The following LMX1A variants were observed in gnomAD, a reference collection of about 807,000 sequenced individuals.
LMX1A encodes LIM homeobox transcription factor 1-alpha.
In LMX1A, 15 loss-of-function variants were observed where a neutral mutation model predicts 49.1. The ratio of observed to expected loss-of-function variants is 0.31; its 90% CI spans 0.20 to 0.47. The LOEUF is 0.47. LMX1A is among the 20% of genes least tolerant of loss of function. LMX1A has a pLI of 1.00. For synonymous variants in LMX1A, 167 were observed against 185.7 expected, an observed-to-expected ratio of 0.90 and a Z score of 0.82; for missense variants, 372 against 475.8, an observed-to-expected ratio of 0.78 and a Z score of 2.03.
At chr1:165,236,243 C>T (rs1322892145) in intron 4 of LMX1A, among the ~76,000 whole-genome samples, 2 of 152,152 alleles carry the variant, frequency 1.3e-5, no homozygotes, top group Non-Finnish European at 2.9e-5. Flanking sequence ...GGGAAGCCTC[C>T]GCGTGCTGGG....
intron 3 of LMX1A, among the ~76,000 whole-genome samples, chr1:165,349,802 GA>G (rs1276177957): frequency 6.6e-6 from 1 of 152,170 alleles, no homozygotes; most frequent in Non-Finnish European, 1.5e-5. Context: ...ATAGCTAGTT[GA>G]GAGAATGAAA....
At chr1:165,228,617 A>G (rs1652128697) in intron 4 of LMX1A, among the ~76,000 whole-genome samples, 1 of 152,210 alleles carries the variant, frequency 6.6e-6, no homozygotes, top group Non-Finnish European at 1.5e-5. Flanking sequence ...TTGAAAACTA[A>G]GTTAGCTCAA....
At chr1:165,258,031 T>C (rs1653307243) in intron 3 of LMX1A, among the ~76,000 whole-genome samples, 1 of 152,174 alleles carries the variant, frequency 6.6e-6, no homozygotes, top group Admixed American at 6.5e-5. Context: ...ATATGAACCC[T>C]CCGGTTTAGA....
At chr1:165,309,141 G>A (rs1015066133) in intron 3 of LMX1A, among the ~76,000 whole-genome samples, 11 of 152,206 alleles carry the variant, frequency 7.2e-5, no homozygotes, top group East Asian at 5.8e-4. Flanking sequence ...GATTACCACC[G>A]AGATACCCTG....
intron 4 of LMX1A, among the ~76,000 whole-genome samples, chr1:165,214,077 C>T (rs541256057): frequency 7.2e-5 from 11 of 152,284 alleles, no homozygotes; most frequent in African/African-American, 9.6e-5. Context: ...TTACTAGTTG[C>T]GTGGCCTTGG....
At chr1:165,237,290 C>A (rs1652485574) in intron 4 of LMX1A, among the ~76,000 whole-genome samples, 1 of 152,226 alleles carries the variant, frequency 6.6e-6, no homozygotes, top group Non-Finnish European at 1.5e-5. Flanking sequence ...GTGGCACGAA[C>A]TCAGCTCACT....
chr1:165,245,763 G>A (rs1391188000), intron 4 of LMX1A, among the ~76,000 whole-genome samples: 1 of 151,998 alleles, frequency 6.6e-6, no homozygotes, highest in East Asian at 1.9e-4. Flanking sequence ...CTCAAAACAG[G>A]CACTATTTCA....
intron 3 of LMX1A, among the ~76,000 whole-genome samples, chr1:165,341,283 C>T (rs1050168693): frequency 2.0e-5 from 3 of 152,162 alleles, no homozygotes; most frequent in Non-Finnish European, 4.4e-5. Flanking sequence ...GTAACTAGCA[C>T]ACTTTCTTTT....
chr1:165,266,709 C>T (rs868282555), intron 3 of LMX1A, among the ~76,000 whole-genome samples: 9 of 141,176 alleles, frequency 6.4e-5, no homozygotes, highest in African/African-American at 2.3e-4. Context: ...TCACGCCATT[C>T]TCCTGCCTCA....
chr1:165,346,187 G>A (rs1656239656), intron 3 of LMX1A, among the ~76,000 whole-genome samples: 1 of 152,172 alleles, frequency 6.6e-6, no homozygotes, highest in Non-Finnish European at 1.5e-5. Context: ...GAGATAGGCA[G>A]ATCTATCTAT....
chr1:165,339,940 A>C (rs1656020381), intron 3 of LMX1A, among the ~76,000 whole-genome samples: 1 of 152,030 alleles, frequency 6.6e-6, no homozygotes, highest in African/African-American at 2.4e-5. Flanking sequence ...TCTTCCCTTC[A>C]TTCTATCTCT....
intron 4 of LMX1A, among the ~76,000 whole-genome samples, chr1:165,222,294 A>C (rs890677738): frequency 6.6e-6 from 1 of 152,224 alleles, no homozygotes; most frequent in Non-Finnish European, 1.5e-5. Flanking sequence ...AGCTCAGTCT[A>C]GATAAAAGCT....
rs774638023 is a variant in LMX1A at position 165,204,084 on chromosome 1, G to A, written c.989-44C>T. The A allele has an allele frequency of 3.1e-6, 5 of 1,600,708 alleles. No homozygotes were observed. In the East Asian group the frequency reaches 6.7e-5, roughly 21 times the overall value. The stretch of plus-strand genomic sequence containing the variant: ...ACTGGCATGAGGGTCTTGAAGAAGT[G>A]ACTCATTTCAGTGCTAGGATATTCA... On this transcript the variant is annotated intron_variant, in intron 8 of 8. Coordinates refer to ENST00000342310, the MANE Select transcript of LMX1A (RefSeq NM_177398.4).
chr1:165,349,718 G>T (rs974642004), intron 3 of LMX1A, among the ~76,000 whole-genome samples: 1 of 152,162 alleles, frequency 6.6e-6, no homozygotes, highest in Non-Finnish European at 1.5e-5. Flanking sequence ...ATGCATAGTT[G>T]TGTGTGCAAG....
At chr1:165,280,017 A>G (rs1654099281) in intron 3 of LMX1A, among the ~76,000 whole-genome samples, 1 of 152,054 alleles carries the variant, frequency 6.6e-6, no homozygotes, top group Admixed American at 6.5e-5. Flanking sequence ...AAAATTGAAC[A>G]CACCAGGCCG....
rs72702436 is a variant in LMX1A at position 165,275,847 on chromosome 1, A to G, written c.264-26207T>C. 7.5e-3 allele frequency among the ~76,000 whole-genome samples: 1,040 copies of G among 139,034 alleles called. 9 individuals carry two copies. The highest frequency in any genetic ancestry group is 0.017 in the African/African-American group (636 of 36,732). The allele number at this position is 139,034 out of a possible 152,430, so 91.2% of individuals were successfully genotyped here. A position where few individuals can be genotyped will look rare whatever the true frequency, so the allele number is the denominator to read the frequency against. Reference sequence around the variant, plus strand: ...TTTTATGGCGCTGGGGTGTGTGTGTATGTGTGTGTGTGTGTGTGTGTGTGT... The same window carrying G: ...TTTTATGGCGCTGGGGTGTGTGTGTGTGTGTGTGTGTGTGTGTGTGTGTGT... On this transcript the variant is annotated intron_variant, in intron 3 of 8. Transcript: ENST00000342310.
chr1:165,214,778 T>C (rs1373117839), intron 4 of LMX1A, among the ~76,000 whole-genome samples: 1 of 152,256 alleles, frequency 6.6e-6, no homozygotes, highest in Non-Finnish European at 1.5e-5. Flanking sequence ...TAGTCAACAT[T>C]GCTTTTCTGT....
intron 3 of LMX1A, among the ~76,000 whole-genome samples, chr1:165,260,066 C>T (rs1004883316): frequency 5.3e-5 from 8 of 152,180 alleles, no homozygotes; most frequent in Non-Finnish European, 1.0e-4. Flanking sequence ...TGGCAAGAAA[C>T]ATAAAACAGA....
intron 3 of LMX1A, among the ~76,000 whole-genome samples, chr1:165,318,335 C>T (rs1371602488): frequency 7.2e-5 from 11 of 152,202 alleles, no homozygotes; most frequent in African/African-American, 2.4e-4. Flanking sequence ...CACAAGCATC[C>T]TCCCAGGTAG....
Sources: allele counts gnomAD v4.1 joint callset (sites outside exome capture counted in the v4.1 genomes callset), GRCh38; gene constraint gnomAD v4.1.1; transcripts MANE v1.5; gene names NCBI Gene and HGNC (gene_info 2026-07-23, HGNC 2026-07-21).